The following OR2L13 variants were observed in gnomAD, a reference collection of about 807,000 sequenced individuals.
The protein encoded by OR2L13 is olfactory receptor 2L13.
In OR2L13, 14 loss-of-function variants were observed where a neutral mutation model predicts 15.3. The observed-to-expected ratio is 0.91, with a 90% confidence interval of 0.60 to 1.43. The LOEUF (loss-of-function observed/expected upper bound fraction) is 1.43. Among genes scored for constraint, OR2L13 ranks in the 40% most tolerant of loss-of-function variants. The pLI is 0.00. For synonymous variants in OR2L13, 152 were observed against 142.9 expected (o/e 1.06, Z -0.45); for missense variants, 367 against 387.9 (o/e 0.95, Z 0.45).
the OR2L13 span, among the ~76,000 whole-genome samples, chr1:247,976,489 A>G: frequency 6.6e-6 from 1 of 152,198 alleles, no homozygotes; most frequent in Non-Finnish European, 1.5e-5. Context: ...TGCTAAGAGA[A>G]TGGGTTTTAA....
chr1:248,058,493 C>A, the OR2L13 span, among the ~76,000 whole-genome samples: 1 of 151,870 alleles, frequency 6.6e-6, no homozygotes, highest in African/African-American at 2.4e-5. Flanking sequence ...GAATTTATTG[C>A]TACAATACAA....
chr1:248,029,489 G>A, the OR2L13 span, among the ~76,000 whole-genome samples: 1 of 151,932 alleles, frequency 6.6e-6, no homozygotes, highest in Non-Finnish European at 1.5e-5. Context: ...ACCAAAGAGA[G>A]TAATAACAAC....
chr1:248,061,424 C>T, the OR2L13 span: 2 of 1,614,084 alleles, frequency 1.2e-6, no homozygotes, highest in Non-Finnish European at 8.5e-7. Flanking sequence ...ACTGTAGTAA[C>T]TTTCTACTAT....
chr1:247,967,786 T>TA, the OR2L13 span, among the ~76,000 whole-genome samples: 1 of 152,096 alleles, frequency 6.6e-6, no homozygotes, highest in Admixed American at 6.6e-5. Flanking sequence ...CTAGTATTAT[T>TA]AAAAAATAAT....
chr1:248,095,606 G>GTTT (rs1476154907), upstream of OR2L13, among the ~76,000 whole-genome samples: 1 of 6,628 alleles, frequency 1.5e-4, no homozygotes, highest in Admixed American at 2.3e-3. Flanking sequence ...TAAAGCTGCT[G>GTTT]CTTTTTTTTT....
At chr1:248,060,896 A>T in the OR2L13 span, 12 of 1,613,900 alleles carry the variant, frequency 7.4e-6, no homozygotes, top group Non-Finnish European at 1.0e-5. Flanking sequence ...GACCTAAATT[A>T]CATCTCCACC....
the OR2L13 span, among the ~76,000 whole-genome samples, chr1:247,953,433 T>G: frequency 6.6e-6 from 1 of 152,198 alleles, no homozygotes; most frequent in Non-Finnish European, 1.5e-5. Flanking sequence ...TCTTATGTAT[T>G]ACATTAGCAA....
the OR2L13 span, among the ~76,000 whole-genome samples, chr1:248,021,285 C>G: frequency 6.6e-6 from 1 of 152,064 alleles, no homozygotes; most frequent in South Asian, 2.1e-4. Context: ...ATAGAGAATA[C>G]GATTTTTTTT....
At chr1:248,078,845 T>C in the OR2L13 span, among the ~76,000 whole-genome samples, 1 of 150,472 alleles carries the variant, frequency 6.6e-6, no homozygotes, top group Non-Finnish European at 1.5e-5. Flanking sequence ...AAGGGCATTG[T>C]ACTTTGTAAA....
chr1:248,065,424 C>T, the OR2L13 span, among the ~76,000 whole-genome samples: 165 of 146,828 alleles, frequency 1.1e-3, no homozygotes, highest in African/African-American at 3.9e-3. Context: ...TTTTTTTTTG[C>T]ATTTATTTAT....
At chr1:247,971,221 T>G in the OR2L13 span, among the ~76,000 whole-genome samples, 1 of 152,114 alleles carries the variant, frequency 6.6e-6, no homozygotes, top group Non-Finnish European at 1.5e-5. Context: ...TTACTTTGCT[T>G]TTTTTTAGTC....
the OR2L13 span, chr1:248,028,998 A>C: frequency 6.6e-6 from 1 of 152,230 alleles, no homozygotes; most frequent in East Asian, 1.9e-4. Flanking sequence ...GACTTTTCAA[A>C]TGCAGGAATA....
the OR2L13 span, among the ~76,000 whole-genome samples, chr1:248,043,886 TTTC>T: frequency 6.6e-6 from 1 of 152,152 alleles, no homozygotes; most frequent in African/African-American, 2.4e-5. Context: ...AAGGATTAAT[TTTC>T]TTAATTAGTA....
At chr1:248,075,290 G>A in the OR2L13 span, among the ~76,000 whole-genome samples, 4 of 151,952 alleles carry the variant, frequency 2.6e-5, no homozygotes, top group Non-Finnish European at 5.9e-5. Flanking sequence ...CATTTTGGTT[G>A]TGAATAGTGC....
chr1:248,039,209 A>G, the OR2L13 span: 1 of 1,601,044 alleles, frequency 6.2e-7, no homozygotes, highest in Non-Finnish European at 8.5e-7. Flanking sequence ...AAATGTAGAC[A>G]TACGTTCTGT....
the OR2L13 span, chr1:248,038,239 C>A: frequency 4.1e-6 from 6 of 1,458,380 alleles, no homozygotes; most frequent in East Asian, 6.8e-5. Flanking sequence ...CCTTTTGTCT[C>A]CCTTCAGGAT....
At chr1:248,070,996 C>G in the OR2L13 span, among the ~76,000 whole-genome samples, 31 of 152,214 alleles carry the variant, frequency 2.0e-4, 1 homozygote, top group Admixed American at 1.5e-3. Context: ...AGCTTACCAA[C>G]CAAAAAGAGT....
At chr1:248,086,715 A>C in the OR2L13 span, among the ~76,000 whole-genome samples, 101 of 152,174 alleles carry the variant, frequency 6.6e-4, no homozygotes, top group African/African-American at 2.3e-3. Flanking sequence ...AATGCTGATA[A>C]ATATTTCTTC....
the OR2L13 span, among the ~76,000 whole-genome samples, chr1:248,000,071 A>C: frequency 0.081 from 12,185 of 150,406 alleles, 602 homozygotes; most frequent in East Asian, 0.16. Context: ...AGGTAAGCCA[A>C]CTTGTGCCCC....
Sources: gnomAD v4.1 joint callset for allele counts (sites outside exome capture counted in the v4.1 genomes callset) on GRCh38, gnomAD v4.1.1 for gene constraint, MANE v1.5 for transcripts, NCBI Gene and HGNC (gene_info 2026-07-23, HGNC 2026-07-21) for gene names.